HIVEP3: variants seen among roughly 807,000 people sequenced by gnomAD.
The protein encoded by HIVEP3 is HIVEP zinc finger 3, also known as transcription factor HIVEP3.
A neutral mutation model predicts 152.8 loss-of-function variants in HIVEP3; 49 were observed. The ratio of observed to expected loss-of-function variants is 0.32; its 90% confidence interval spans 0.26 to 0.41. The LOEUF is 0.41. HIVEP3 is among the 10% of genes least tolerant of loss of function. HIVEP3 has a pLI of 1.00. For synonymous variants in HIVEP3, 1,269 were observed against 1,289.0 expected (o/e 0.98, Z 0.33); for missense variants, 2,790 against 3,103.3 (o/e 0.90, Z 2.40).
chr1:42,001,772 T>C (rs1421137902), intron 1 of HIVEP3, among the ~76,000 whole-genome samples: 2 of 152,194 alleles, frequency 1.3e-5, no homozygotes, highest in Admixed American at 1.3e-4. Flanking sequence ...TGGTAAAATA[T>C]TGAAATATTT....
chr1:41,772,766 C>G (rs560925715), intron 1 of HIVEP3, among the ~76,000 whole-genome samples: 14 of 152,086 alleles, frequency 9.2e-5, no homozygotes, highest in Non-Finnish European at 1.9e-4. Context: ...AAAAATTACC[C>G]GGGTGTGGTG....
At chr1:41,655,305 G>A (rs921125916) in intron 2 of HIVEP3, among the ~76,000 whole-genome samples, 11 of 152,090 alleles carry the variant, frequency 7.2e-5, no homozygotes, top group Non-Finnish European at 1.3e-4. Context: ...CTCTGAGGCC[G>A]CGCGCGGTGG....
At chr1:41,709,856 C>T (rs1646487661) in intron 1 of HIVEP3, among the ~76,000 whole-genome samples, 1 of 152,176 alleles carries the variant, frequency 6.6e-6, no homozygotes, top group Non-Finnish European at 1.5e-5. Context: ...ATTGCAGCTT[C>T]TGCTGGCCCA....
At chr1:41,765,393 C>A (rs1647947782) in intron 1 of HIVEP3, among the ~76,000 whole-genome samples, 1 of 152,120 alleles carries the variant, frequency 6.6e-6, no homozygotes, top group African/African-American at 2.4e-5. Flanking sequence ...TTGTTTAACC[C>A]CGATGTGTCC....
chr1:41,916,552 T>C (rs1338296270), intron 1 of HIVEP3, among the ~76,000 whole-genome samples: 1 of 152,056 alleles, frequency 6.6e-6, no homozygotes, highest in African/African-American at 2.4e-5. Flanking sequence ...TGCCTGCAGG[T>C]GTCTTAGTTG....
chr1:41,575,749 A>G lies in HIVEP3; in HGVS notation c.5062-60T>C, dbSNP rs1043100598. On this transcript the variant is annotated intron_variant, in intron 4 of 8. Coordinates refer to ENST00000372583, the MANE Select transcript of HIVEP3 (RefSeq NM_024503.5). Reference sequence around the variant, plus strand: ...GTTAAAAGTGCATCCTCAGTCACGAATGCAATGCTAATAATCATGCCTTAC... The same window carrying G: ...GTTAAAAGTGCATCCTCAGTCACGAGTGCAATGCTAATAATCATGCCTTAC... The G allele has an allele frequency of 4.2e-5, 65 of 1,561,884 alleles. No homozygotes were observed. The East Asian group carries it at 1.3e-3, about 32-fold the overall frequency.
intron 1 of HIVEP3, among the ~76,000 whole-genome samples, chr1:41,764,051 C>G (rs965255848): frequency 6.6e-6 from 1 of 151,880 alleles, no homozygotes; most frequent in Non-Finnish European, 1.5e-5. Flanking sequence ...ATGCGGGGCC[C>G]AGAGCCCTGG....
intron 1 of HIVEP3, among the ~76,000 whole-genome samples, chr1:41,895,325 C>G (rs906048188): frequency 6.6e-6 from 1 of 152,226 alleles, no homozygotes; most frequent in Non-Finnish European, 1.5e-5. Context: ...CTCATCTCCC[C>G]CTACACACTC....
chr1:41,741,310 C>G (rs542418270), intron 1 of HIVEP3, among the ~76,000 whole-genome samples: 1 of 152,176 alleles, frequency 6.6e-6, no homozygotes, highest in Non-Finnish European at 1.5e-5. Flanking sequence ...GCAATGGAAC[C>G]AAGAGGCAGG....
At chr1:41,757,777 G>T (rs373609729) in intron 1 of HIVEP3, among the ~76,000 whole-genome samples, 4 of 151,164 alleles carry the variant, frequency 2.6e-5, no homozygotes, top group Non-Finnish European at 4.4e-5. Flanking sequence ...GCAATGGTGC[G>T]ATCTCAGCTC....
chr1:41,560,008 A>C (rs1322062374), intron 5 of HIVEP3, among the ~76,000 whole-genome samples: 1 of 152,132 alleles, frequency 6.6e-6, no homozygotes, highest in East Asian at 1.9e-4. Flanking sequence ...GAGATTCTAG[A>C]TTTTCATGCA....
At chr1:41,768,511 T>A (rs1332817023) in intron 1 of HIVEP3, among the ~76,000 whole-genome samples, 1 of 152,240 alleles carries the variant, frequency 6.6e-6, no homozygotes, top group Non-Finnish European at 1.5e-5. Context: ...AGTTAGATAG[T>A]TCTACCAATC....
intron 1 of HIVEP3, among the ~76,000 whole-genome samples, chr1:42,011,159 C>T (rs939669107): frequency 6.6e-6 from 1 of 152,068 alleles, no homozygotes. Context: ...TCCAAGAAGG[C>T]AGGGGAGGCA....
At chr1:41,839,002 G>A (rs530736417) in intron 1 of HIVEP3, among the ~76,000 whole-genome samples, 5 of 152,330 alleles carry the variant, frequency 3.3e-5, no homozygotes, top group Non-Finnish European at 7.3e-5. Context: ...AGGGTGTCAA[G>A]GATGTCAGGG....
chr1:41,572,155 A>C (rs1317105679), intron 5 of HIVEP3, among the ~76,000 whole-genome samples: 1 of 152,170 alleles, frequency 6.6e-6, no homozygotes, highest in African/African-American at 2.4e-5. Context: ...GCTAAGTGTG[A>C]GGTGTGAATT....
chr1:41,724,445 G>A (rs1646723047), intron 1 of HIVEP3, among the ~76,000 whole-genome samples: 1 of 152,200 alleles, frequency 6.6e-6, no homozygotes, highest in Admixed American at 6.5e-5. Flanking sequence ...CAAGTAAAGT[G>A]AACAGAAACG....
chr1:41,944,209 G>C (rs1645062559), intron 1 of HIVEP3, among the ~76,000 whole-genome samples: 1 of 152,182 alleles, frequency 6.6e-6, no homozygotes, highest in Non-Finnish European at 1.5e-5. Flanking sequence ...GTACCAGGTT[G>C]CACAATATGA....
chr1:41,733,550 G>A (rs372690849), intron 1 of HIVEP3, among the ~76,000 whole-genome samples: 1 of 152,250 alleles, frequency 6.6e-6, no homozygotes, highest in South Asian at 2.1e-4. Context: ...TGGTGGTGGA[G>A]TTAGAACTGG....
chr1:41,675,411 C>G (rs1645939359), intron 2 of HIVEP3, among the ~76,000 whole-genome samples: 2 of 152,206 alleles, frequency 1.3e-5, no homozygotes, highest in African/African-American at 4.8e-5. Context: ...TGCATGTCAC[C>G]TCCTCAGGGA....
Sources: allele counts gnomAD v4.1 joint callset (sites outside exome capture counted in the v4.1 genomes callset), GRCh38; gene constraint gnomAD v4.1.1; transcripts MANE v1.5; gene names NCBI Gene and HGNC (gene_info 2026-07-23, HGNC 2026-07-21).